Variants in PCDHGA7 observed in about 807,000 individuals in gnomAD.
The protein encoded by PCDHGA7 is protocadherin gamma-A7.
PCDHGA7 carries 44 observed loss-of-function variants against 58.3 expected under a neutral mutation model. That is an observed-to-expected ratio of 0.75 (90% CI 0.59 to 0.97). The LOEUF is 0.97. Ranked by LOEUF, PCDHGA7 falls within the 50% of genes least tolerant of loss-of-function variation. The probability of loss-of-function intolerance (pLI) is 0.00; values close to 1 mark genes in which losing one functional copy is unlikely to be tolerated. For synonymous variants in PCDHGA7, 516 were observed against 504.2 expected (o/e 1.02, Z -0.31); for missense variants, 1,266 against 1,188.7 (o/e 1.06, Z -0.96).
rs149553852 is a variant in PCDHGA7 at position 141,415,009 on chromosome 5, C to G, written c.2424+29686C>G. 3.1e-6 allele frequency: 5 copies of G among 1,613,544 alleles called. No homozygotes were observed. The East Asian group carries it at 1.1e-4, about 36-fold the overall frequency. On this transcript the variant is annotated intron_variant, in intron 1 of 3. Transcript: ENST00000518325. The stretch of plus-strand genomic sequence containing the variant: ...CCAGAACGCCTGGCTGTCCTACCGT[C>G]TGCTCAAGGCCAGCGAGCCGGGACT...
intron 1 of PCDHGA7, chr5:141,397,964 T>A: frequency 9.4e-7 from 1 of 1,060,074 alleles, no homozygotes; most frequent in Non-Finnish European, 1.3e-6. Context: ...CAGCTCAGAC[T>A]CCCCAGCGCC....
At chr5:141,427,602 A>G (rs1415454468) in intron 1 of PCDHGA7, 1 of 685,668 alleles carries the variant, frequency 1.5e-6, no homozygotes, top group Non-Finnish European at 2.7e-6. Flanking sequence ...CACCCTACGC[A>G]TTGGTGAAGT....
chr5:141,400,164 C>G (rs1307583379), intron 1 of PCDHGA7: 1 of 1,614,086 alleles, frequency 6.2e-7, no homozygotes, highest in Admixed American at 1.7e-5. Context: ...TACCCTCTGA[C>G]CCCCAGGCTG....
intron 1 of PCDHGA7, chr5:141,388,188 T>C: frequency 6.5e-7 from 1 of 1,540,372 alleles, no homozygotes; most frequent in South Asian, 1.1e-5. Context: ...GAAGCCAGCT[T>C]GTGCTCTGGA....
chr5:141,486,645 C>T lies in PCDHGA7; in HGVS notation c.2425-8162C>T, dbSNP rs369948556. ...GACTCTGGCTTGAATGCGCTTATCT[C>T]CTACTCACTCCTGGAGCCCAGGAAT... On this transcript the variant is annotated intron_variant, in intron 1 of 3. Coordinates refer to ENST00000518325, the MANE Select transcript of PCDHGA7 (RefSeq NM_018920.4). This position sits in a 1 kb window ranked among gnomAD's most constrained non-coding sequence, Gnocchi z 5.0. 1.9e-6 allele frequency: 3 copies of T among 1,613,752 alleles called. No individual in the cohort carries two copies. The highest frequency in any genetic ancestry group is 2.2e-5 in the East Asian group (1 of 44,896).
chr5:141,395,809 A>T (rs1448942836), intron 1 of PCDHGA7: 1 of 152,108 alleles, frequency 6.6e-6, no homozygotes, highest in Non-Finnish European at 1.5e-5. Flanking sequence ...CCTTCAAAAC[A>T]TGAACAAACT....
chr5:141,467,775 C>T (rs1464827506), intron 1 of PCDHGA7, among the ~76,000 whole-genome samples: 1 of 151,960 alleles, frequency 6.6e-6, no homozygotes, highest in Non-Finnish European at 1.5e-5. Context: ...GCCCGCACCT[C>T]AGCCTCTCAA....
intron 1 of PCDHGA7, chr5:141,420,295 T>G (rs1282298065): frequency 6.8e-7 from 1 of 1,466,506 alleles, no homozygotes; most frequent in East Asian, 2.3e-5. Flanking sequence ...AAAAATGTAT[T>G]TAATCCTTTT....
rs368718827 is a variant in PCDHGA7, at chr5:141,410,231, G to A, written c.2424+24908G>A. On this transcript the variant is annotated intron_variant, in intron 1 of 3. Transcript: ENST00000518325. ...GCAAGAGATACTGCCAGACCTCAGC[G>A]ACCGCCCTGTACTCTCTGACCCCCA... 8.7e-6 allele frequency: 14 copies of A among 1,613,888 alleles called. No homozygotes were observed. The highest frequency in any genetic ancestry group is 1.6e-4 in the Middle Eastern group (1 of 6,084).
chr5:141,474,242 G>A (rs575397598), intron 1 of PCDHGA7, among the ~76,000 whole-genome samples: 1 of 152,192 alleles, frequency 6.6e-6, no homozygotes, highest in African/African-American at 2.4e-5. Context: ...GCTGAATAGG[G>A]GAAAAAAAGA....
intron 1 of PCDHGA7, among the ~76,000 whole-genome samples, chr5:141,438,629 TATATATAC>T (rs1474630940): frequency 0.043 from 2,039 of 47,824 alleles, 19 homozygotes; most frequent in South Asian, 0.061. Flanking sequence ...TATATATATA[TATATATAC>T]ACACACACAC....
At chr5:141,467,604 CT>C (rs2099147202) in intron 1 of PCDHGA7, among the ~76,000 whole-genome samples, 1 of 152,204 alleles carries the variant, frequency 6.6e-6, no homozygotes, top group Non-Finnish European at 1.5e-5. Context: ...AGCACTTCAT[CT>C]TTGTCCCAGT....
chr5:141,505,348 G>C, intron 2 of PCDHGA7, 45 bp from the exon 3 acceptor site: 1 of 1,613,358 alleles, frequency 6.2e-7, no homozygotes, highest in Non-Finnish European at 8.5e-7. Flanking sequence ...GGCATGAGCT[G>C]TGCCGGCCTG....
chr5:141,487,123 T>C lies in PCDHGA7; in HGVS notation c.2425-7684T>C. 6.2e-7 allele frequency: 1 copy of C among 1,614,086 alleles called. No homozygotes were observed. The highest frequency in any genetic ancestry group is 1.1e-5 in the South Asian group (1 of 91,082). On this transcript the variant is annotated intron_variant, in intron 1 of 3. Coordinates refer to ENST00000518325, the MANE Select transcript of PCDHGA7 (RefSeq NM_018920.4). The surrounding 1 kb of genome is among the most constrained non-coding windows in gnomAD (Gnocchi z 5.0). ...AGCTGGTCATTGTGGTAAAGGATAG[T>C]GGTAGTCCACCACTCTCTACCTCTG...
At position 141,509,122 on chromosome 5, in the gene PCDHGA7, G is replaced by A. The variant is rs2099875312; in HGVS notation, c.2573-1825G>A. 2.0e-5 allele frequency among the ~76,000 whole-genome samples: 3 copies of A among 152,154 alleles called. No homozygotes were observed. In the South Asian group the frequency reaches 6.2e-4, roughly 32 times the overall value. The stretch of plus-strand genomic sequence containing the variant: ...AGAAACCTGAGCGCTGGTGCGTGAA[G>A]AGAAAAACCGAGGCGCATCCCGGCT... On this transcript the variant is annotated intron_variant, in intron 3 of 3. Transcript: ENST00000518325.
chr5:141,440,056 G>A, intron 1 of PCDHGA7: 1 of 152,648 alleles, frequency 6.6e-6, no homozygotes, highest in East Asian at 1.9e-4. Flanking sequence ...GAAAGCTTCG[G>A]GTTAATGCTG....
At chr5:141,394,256 C>G in intron 1 of PCDHGA7, 1 of 1,613,942 alleles carries the variant, frequency 6.2e-7, no homozygotes, top group Non-Finnish European at 8.5e-7. Flanking sequence ...ACCCCGACAG[C>G]CAGGAGAATG....
intron 1 of PCDHGA7, chr5:141,426,876 C>G (rs796453479): frequency 2.2e-6 from 1 of 456,726 alleles, no homozygotes; most frequent in Admixed American, 2.3e-5. Flanking sequence ...GGAGAAGCCC[C>G]TGGGCCAGGA....
At chr5:141,387,213 G>C (rs1279285840) in intron 1 of PCDHGA7, among the ~76,000 whole-genome samples, 4 of 152,128 alleles carry the variant, frequency 2.6e-5, no homozygotes, top group Admixed American at 1.3e-4. Flanking sequence ...ATACTCTCCG[G>C]AAAAAGTTGA....
Sources: gnomAD v4.1 joint callset for allele counts (sites outside exome capture counted in the v4.1 genomes callset) on GRCh38, gnomAD v4.1.1 for gene constraint, Gnocchi (gnomAD v3.1) non-coding constraint, MANE v1.5 for transcripts, NCBI Gene and HGNC (gene_info 2026-07-23, HGNC 2026-07-21) for gene names.